The following MACROD1 variants were observed in gnomAD, a reference collection of about 807,000 sequenced individuals.
MACROD1 encodes ADP-ribose glycohydrolase MACROD1.
In MACROD1, 31 loss-of-function variants were observed where a neutral mutation model predicts 41.4. The observed-to-expected ratio is 0.75, with a 90% CI of 0.56 to 1.01. The LOEUF (loss-of-function observed/expected upper bound fraction) is 1.01. MACROD1 is among the 50% of genes least tolerant of loss of function. The pLI, the probability that MACROD1 is intolerant of heterozygous loss-of-function variation, is 0.00. For missense variants in MACROD1, 473 were observed against 460.0 expected, an observed-to-expected ratio of 1.03 and a Z score of -0.26; for synonymous variants, 252 against 203.4, an observed-to-expected ratio of 1.24 and a Z score of -2.03.
At position 64,036,265 on chromosome 11, in the gene MACROD1, G is replaced by T. The variant is rs1192273692; in HGVS notation, c.518-20984C>A. On this transcript the variant is annotated intron_variant, in intron 3 of 10. Coordinates refer to ENST00000255681, the MANE Select transcript of MACROD1 (RefSeq NM_014067.4). The surrounding 1 kb of genome is among the most constrained non-coding windows in gnomAD (Gnocchi z 5.6). ...GGCCCGGGGGCACCGAAGCGCCACG[G>T]GGTCAGGCAGCCTGGCTTTGCCCCA... 1 of 152,248 alleles carries T rather than the reference G, an allele frequency of 6.6e-6. No homozygotes were observed. The highest frequency in any genetic ancestry group is 2.4e-5 in the African/African-American group (1 of 41,430). 9.4% of individuals were successfully genotyped at this position (152,248 alleles called of 1,614,324 possible).
At chr11:64,116,093 A>AC in intron 3 of MACROD1, 1 of 961,656 alleles carries the variant, frequency 1.0e-6, no homozygotes, top group Non-Finnish European at 1.5e-6. Context: ...GCTTGACCTC[A>AC]CCCCGCAGGA....
In MACROD1 at chr11:64,096,383, T is replaced by C. The variant is rs907545861; in HGVS notation, c.517+54856A>G. Among the ~76,000 whole-genome samples the C allele has an allele frequency of 2.6e-5, 4 of 151,314 alleles. No individual in the cohort carries two copies. The highest frequency in any genetic ancestry group is 4.2e-4 in the South Asian group (2 of 4,798). ...ACGCATTACAGTGAGGTCTGCCAGGTAGAGCTGGCAGGCAAGTGGTCGTTC... is the reference window on the plus strand; with the variant it reads ...ACGCATTACAGTGAGGTCTGCCAGGCAGAGCTGGCAGGCAAGTGGTCGTTC... On this transcript the variant is annotated intron_variant, in intron 3 of 10. Transcript: ENST00000255681. This position sits in a 1 kb window ranked among gnomAD's most constrained non-coding sequence, Gnocchi z 4.6.
chr11:64,147,941 G>A (rs1945518888), intron 3 of MACROD1, among the ~76,000 whole-genome samples: 1 of 151,680 alleles, frequency 6.6e-6, no homozygotes, highest in Non-Finnish European at 1.5e-5. Flanking sequence ...GTCTCACTAT[G>A]TTGGCCAGGC....
rs2253398 is a variant in MACROD1 at position 64,090,755 on chromosome 11, G to T, written c.517+60484C>A. Among the ~76,000 whole-genome samples, 128,881 of 151,464 alleles carry T rather than the reference G, an allele frequency of 0.85. 56,356 individuals are homozygous for T. Among genetic ancestry groups the T allele is most frequent in the Middle Eastern group, 0.98 (288 of 294 alleles). On this transcript the variant is annotated intron_variant, in intron 3 of 10. Coordinates refer to ENST00000255681, the MANE Select transcript of MACROD1 (RefSeq NM_014067.4). The surrounding 1 kb of genome is among the most constrained non-coding windows in gnomAD (Gnocchi z 4.7). ...TCTCCACCACATCCCAAGACTAAAA[G>T]GGGGGCGGGGTGGCGGCGTCTCTCC...
chr11:64,163,490 T>C (rs904149149), intron 1 of MACROD1, among the ~76,000 whole-genome samples: 3 of 151,948 alleles, frequency 2.0e-5, no homozygotes, highest in Non-Finnish European at 4.4e-5. Flanking sequence ...TCCATCGGGG[T>C]CTCCTCACGA....
chr11:64,129,113 C>A (rs570339350), intron 3 of MACROD1, among the ~76,000 whole-genome samples: 1 of 152,244 alleles, frequency 6.6e-6, no homozygotes, highest in African/African-American at 2.4e-5. Flanking sequence ...GCTGTGTTCT[C>A]AAACTGTGTT....
rs1476352648 is a variant in MACROD1 at position 63,998,639 on chromosome 11, C to T, written c.*79G>A. On this transcript the variant is annotated 3_prime_UTR_variant, in exon 11 of 11. Coordinates refer to ENST00000255681, the MANE Select transcript of MACROD1 (RefSeq NM_014067.4). ...GGGTGGCCAGGCCCAGGCCAGGCTG[C>T]AGGCTTTGGCGACCTCTCAGAGCTG... 16 of 1,307,356 alleles carry T rather than the reference C, an allele frequency of 1.2e-5. No homozygotes were observed. Among genetic ancestry groups the T allele is most frequent in the Non-Finnish European group, 1.5e-5 (15 of 1,031,244 alleles). 81.0% of individuals were successfully genotyped at this position (1,307,356 alleles called of 1,614,324 possible). A position where few individuals can be genotyped will look rare whatever the true frequency, so the allele number is the denominator to read the frequency against.
intron 3 of MACROD1, among the ~76,000 whole-genome samples, chr11:64,048,570 T>A (rs778140963): frequency 1.3e-5 from 2 of 152,072 alleles, no homozygotes; most frequent in Non-Finnish European, 2.9e-5. Context: ...AGCAGGATGG[T>A]TAATAACAGT....
chr11:64,012,555 C>A (rs905024454), intron 4 of MACROD1, among the ~76,000 whole-genome samples: 1 of 152,048 alleles, frequency 6.6e-6, no homozygotes, highest in Non-Finnish European at 1.5e-5. Context: ...TGTGTACCAC[C>A]ATGCCCAGCT....
chr11:64,124,249 C>T (rs1290748524), intron 3 of MACROD1, among the ~76,000 whole-genome samples: 1 of 152,216 alleles, frequency 6.6e-6, no homozygotes, highest in Admixed American at 6.5e-5. Flanking sequence ...CAGAGAGCGC[C>T]TCCCAGGCCC....
chr11:64,134,732 C>T (rs979981063), intron 3 of MACROD1, among the ~76,000 whole-genome samples: 5 of 152,348 alleles, frequency 3.3e-5, no homozygotes, highest in Admixed American at 3.3e-4. Flanking sequence ...TTTCAATTAG[C>T]TTTTTCTTGA....
At chr11:64,005,143 C>T (rs1343254547) in intron 4 of MACROD1, among the ~76,000 whole-genome samples, 1 of 152,138 alleles carries the variant, frequency 6.6e-6, no homozygotes, top group African/African-American at 2.4e-5. Context: ...AATTCTCCTG[C>T]CTCAGCCTCC....
chr11:64,157,155 C>G (rs369108483), intron 1 of MACROD1, among the ~76,000 whole-genome samples: 17 of 152,176 alleles, frequency 1.1e-4, no homozygotes, highest in African/African-American at 4.1e-4. Flanking sequence ...TGCAGTGGCA[C>G]GATCTCGGCT....
intron 3 of MACROD1, among the ~76,000 whole-genome samples, chr11:64,038,761 C>A (rs1943430377): frequency 6.6e-6 from 1 of 152,156 alleles, no homozygotes; most frequent in South Asian, 2.1e-4. Flanking sequence ...TATCAACCAC[C>A]TAGTCATCCC....
chr11:64,161,103 G>A (rs995255441), intron 1 of MACROD1, among the ~76,000 whole-genome samples: 9 of 152,062 alleles, frequency 5.9e-5, no homozygotes, highest in Non-Finnish European at 1.2e-4. Context: ...CCCAAGAAAC[G>A]GAGGTTGCAG....
intron 4 of MACROD1, among the ~76,000 whole-genome samples, chr11:64,013,383 G>A (rs564707123): frequency 2.4e-4 from 36 of 152,342 alleles, no homozygotes; most frequent in Admixed American, 2.0e-4. Context: ...CGGAGTGAAC[G>A]GAGCAGCCGC....
At chr11:64,015,544 C>T (rs1011723272) in intron 3 of MACROD1, among the ~76,000 whole-genome samples, 1 of 152,100 alleles carries the variant, frequency 6.6e-6, no homozygotes, top group Admixed American at 6.6e-5. Context: ...CGGACGCAGA[C>T]GCATGGGGGG....
At position 63,999,698 on chromosome 11, in the gene MACROD1, G is replaced by A; in HGVS notation, c.730C>T (p.Arg244Cys). Residue 244 changes from arginine (R) to cysteine (C), a missense_variant, in exon 6 of 11, where the codon CGC becomes TGC. Coordinates refer to ENST00000255681, the MANE Select transcript of MACROD1 (RefSeq NM_014067.4). ...TCCAGACTGCTCAGGTAGCAGCTGC[G>A]GAGCTCGGCAGCCTGACTGGCGCTG... is the stretch of plus-strand genomic sequence containing the variant. ...EPSASQAAEL[R>C]SCYLSSLDLL... The A allele has an allele frequency of 6.2e-7, 1 of 1,609,042 alleles. No homozygotes were observed. The highest frequency in any genetic ancestry group is 8.5e-7 in the Non-Finnish European group (1 of 1,179,220).
chr11:64,077,544 C>T (rs967326874), intron 3 of MACROD1, among the ~76,000 whole-genome samples: 4 of 151,132 alleles, frequency 2.6e-5, no homozygotes, highest in Non-Finnish European at 4.4e-5. Context: ...AGGTGAGGGG[C>T]GGGGCAGGGG....
Sources: gnomAD v4.1 joint callset for allele counts (sites outside exome capture counted in the v4.1 genomes callset) on GRCh38, gnomAD v4.1.1 for gene constraint, Gnocchi (gnomAD v3.1) non-coding constraint, MANE v1.5 for transcripts, NCBI Gene and HGNC (gene_info 2026-07-23, HGNC 2026-07-21) for gene names.